The following ZSWIM6 variants were observed in gnomAD, a reference collection of about 807,000 sequenced individuals.
The protein encoded by ZSWIM6 is zinc finger SWIM-type containing 6.
A neutral mutation model predicts 113.2 loss-of-function variants in ZSWIM6; 9 were observed. The ratio of observed to expected loss-of-function variants is 0.08; its 90% CI spans 0.05 to 0.14. The LOEUF is 0.14. ZSWIM6 is among the 10% of genes least tolerant of loss of function. The pLI is 1.00. For synonymous variants in ZSWIM6, 611 were observed against 606.5 expected (o/e 1.01, Z -0.11); for missense variants, 1,162 against 1,552.2 (o/e 0.75, Z 4.22).
chr5:61,332,446 G>C lies in ZSWIM6; in HGVS notation c.174G>C (p.Gly58=), dbSNP rs571004627. Residue 58 remains glycine, a synonymous_variant, in exon 1 of 14, where the codon GGG becomes GGC. Transcript: ENST00000252744. Reference sequence around the variant, plus strand: ...GCGCGGCGGCGGCGGCGGCGTGCGGGGGCGGCGCGGCGCTGGGGTTGCTGC... The same window carrying C: ...GCGCGGCGGCGGCGGCGGCGTGCGGCGGCGGCGCGGCGCTGGGGTTGCTGC... ...AGGAAAAAAC[G]GGAALGLLPP... is the part of the protein sequence containing the mutation. The C allele has an allele frequency of 1.7e-3, 1,733 of 1,021,914 alleles. 3 individuals are homozygous for C. Among genetic ancestry groups the C allele is most frequent in the Non-Finnish European group, 1.9e-3 (1,626 of 856,380 alleles). The allele number at this position is 1,021,914 out of a possible 1,614,324, so 63.3% of individuals were successfully genotyped here. A position where few individuals can be genotyped will look rare whatever the true frequency, so the allele number is the denominator to read the frequency against.
At chr5:61,356,207 T>C (rs1423116827) in intron 1 of ZSWIM6, among the ~76,000 whole-genome samples, 1 of 152,214 alleles carries the variant, frequency 6.6e-6, no homozygotes, top group African/African-American at 2.4e-5. Flanking sequence ...CAAGTGATCT[T>C]CCTGCCTCAG....
intron 1 of ZSWIM6, among the ~76,000 whole-genome samples, chr5:61,437,764 A>ACCAT (rs1212319278): frequency 4.0e-5 from 6 of 151,896 alleles, no homozygotes; most frequent in Non-Finnish European, 8.8e-5. Flanking sequence ...GACTCCTAGA[A>ACCAT]CCATGAGTGT....
intron 5 of ZSWIM6, among the ~76,000 whole-genome samples, chr5:61,522,267 G>C (rs1749153415): frequency 6.6e-6 from 1 of 151,824 alleles, no homozygotes; most frequent in Non-Finnish European, 1.5e-5. Context: ...ATTATTTCTT[G>C]CCAATAGAAA....
chr5:61,401,340 A>G (rs1376482366), intron 1 of ZSWIM6, among the ~76,000 whole-genome samples: 3 of 152,232 alleles, frequency 2.0e-5, no homozygotes, highest in African/African-American at 7.2e-5. Flanking sequence ...ATTTTTCAAA[A>G]GACTGTAACT....
chr5:61,406,262 T>A (rs549748973), intron 1 of ZSWIM6, among the ~76,000 whole-genome samples: 1 of 152,352 alleles, frequency 6.6e-6, no homozygotes, highest in South Asian at 2.1e-4. Context: ...TGCATATCAC[T>A]GTCTTTTAAC....
chr5:61,460,072 A>G (rs978950133), intron 1 of ZSWIM6, among the ~76,000 whole-genome samples: 15 of 152,320 alleles, frequency 9.8e-5, no homozygotes, highest in Middle Eastern at 6.8e-3. Flanking sequence ...AAGAAGGTTG[A>G]CTTTCAACGA....
chr5:61,432,020 T>G (rs1024790314), intron 1 of ZSWIM6, among the ~76,000 whole-genome samples: 20 of 152,164 alleles, frequency 1.3e-4, no homozygotes, highest in African/African-American at 4.8e-4. Flanking sequence ...CAGAAGCAAA[T>G]AGCCATTTTT....
chr5:61,542,193 A>C (rs1271950654), intron 13 of ZSWIM6, among the ~76,000 whole-genome samples: 1 of 152,218 alleles, frequency 6.6e-6, no homozygotes, highest in Non-Finnish European at 1.5e-5. Context: ...CCAGCTTCTT[A>C]TTTAAAATGG....
At chr5:61,383,542 C>CT (rs532040423) in intron 1 of ZSWIM6, among the ~76,000 whole-genome samples, 174 of 147,188 alleles carry the variant, frequency 1.2e-3, no homozygotes, top group South Asian at 3.9e-3. Flanking sequence ...AGAACTTTCT[C>CT]TTTTTTTTTT....
At chr5:61,341,387 A>G (rs1299797585) in intron 1 of ZSWIM6, among the ~76,000 whole-genome samples, 2 of 152,218 alleles carry the variant, frequency 1.3e-5, no homozygotes, top group African/African-American at 4.8e-5. Flanking sequence ...TACATCTCAC[A>G]TTCATTTCAA....
At chr5:61,471,909 G>A (rs1561251326) in intron 1 of ZSWIM6, among the ~76,000 whole-genome samples, 1 of 150,126 alleles carries the variant, frequency 6.7e-6, no homozygotes, top group African/African-American at 2.4e-5. Context: ...TTCCACCTTG[G>A]TAACTTTGTA....
chr5:61,376,001 C>T (rs1457030009), intron 1 of ZSWIM6: 18 of 550,648 alleles, frequency 3.3e-5, no homozygotes, highest in Admixed American at 3.6e-5. Flanking sequence ...CACTCAGATG[C>T]CACTGTGTGA....
chr5:61,468,055 A>G (rs997886162), intron 1 of ZSWIM6, among the ~76,000 whole-genome samples: 1 of 152,218 alleles, frequency 6.6e-6, no homozygotes, highest in Non-Finnish European at 1.5e-5. Flanking sequence ...CACTTTTACT[A>G]TGTGCCAGGT....
chr5:61,477,145 C>T (rs997072140), intron 2 of ZSWIM6, among the ~76,000 whole-genome samples: 11 of 152,122 alleles, frequency 7.2e-5, no homozygotes, highest in African/African-American at 2.4e-4. Context: ...GTACACTAAT[C>T]TTCCTATGGG....
chr5:61,542,114 C>G, intron 13 of ZSWIM6, 149 bp downstream of exon 13: 1 of 602,586 alleles, frequency 1.7e-6, no homozygotes, highest in Non-Finnish European at 2.9e-6. Context: ...TCTCCCTGAC[C>G]CCTTACCCCT....
At chr5:61,493,321 A>G (rs1748229990) in intron 3 of ZSWIM6, among the ~76,000 whole-genome samples, 1 of 152,016 alleles carries the variant, frequency 6.6e-6, no homozygotes, top group Non-Finnish European at 1.5e-5. Context: ...GTGAGAGAGA[A>G]CCTTTATGCA....
chr5:61,474,469 T>C (rs982436937), intron 2 of ZSWIM6, among the ~76,000 whole-genome samples: 3 of 152,226 alleles, frequency 2.0e-5, no homozygotes, highest in Non-Finnish European at 4.4e-5. Context: ...ATTTTGGTAG[T>C]ATGTTTTCTT....
Position 61,538,837 on chromosome 5 carries a change from C to T in ZSWIM6, c.2405C>T (p.Ala802Val), listed in dbSNP as rs765404109. The T allele has an allele frequency of 8.4e-6, 13 of 1,551,852 alleles. No individual in the cohort carries two copies. The highest frequency in any genetic ancestry group is 1.7e-4 in the Middle Eastern group (1 of 6,018). The stretch of plus-strand genomic sequence containing the variant: ...AGGTTACTAGTATTGGAATCTACTG[C>T]TCCATCAGGAGACCTCACCCGCCCA... The part of the protein sequence containing the change: ...AMRLLVLEST[A>V]PSGDLTRPHH... Residue 802 changes from alanine to valine, a missense_variant, in exon 11 of 14, where the codon GCT (alanine) becomes GTT (valine). Ala to Val is a moderately conservative substitution (Grantham distance 64). This residue lies in a region of ZSWIM6 where 620 missense variants were observed against 804.6 expected (regional missense o/e 0.77). Coordinates refer to ENST00000252744, the MANE Select transcript of ZSWIM6 (RefSeq NM_020928.2).
At chr5:61,389,660 C>T (rs774689121) in intron 1 of ZSWIM6, among the ~76,000 whole-genome samples, 36 of 151,538 alleles carry the variant, frequency 2.4e-4, no homozygotes, top group Non-Finnish European at 3.5e-4. Context: ...GAAATTATCA[C>T]GTGGACCAAA....
Sources: allele counts gnomAD v4.1 joint callset (sites outside exome capture counted in the v4.1 genomes callset), GRCh38; gene constraint gnomAD v4.1.1; regional missense constraint gnomAD v4.1.1; transcripts MANE v1.5; gene names NCBI Gene and HGNC (gene_info 2026-07-23, HGNC 2026-07-21).